MCRIP1: variants seen among roughly 807,000 people sequenced by gnomAD.
The protein encoded by MCRIP1 is mapk-regulated corepressor-interacting protein 1.
A neutral mutation model predicts 14.4 loss-of-function variants in MCRIP1; 10 were observed. The observed-to-expected ratio is 0.70, with a 90% CI of 0.43 to 1.18. The LOEUF is 1.18. MCRIP1 is among the 50% of genes most tolerant of loss of function. The probability of loss-of-function intolerance (pLI) is 0.00; values close to 1 mark genes in which losing one functional copy is unlikely to be tolerated. For synonymous variants in MCRIP1, 53 were observed against 55.7 expected (o/e 0.95, Z 0.21); for missense variants, 119 against 135.4 (o/e 0.88, Z 0.60).
Position 81,823,027 on chromosome 17 carries a change from G to A in MCRIP1, c.*220C>T. On this transcript the variant is annotated 3_prime_UTR_variant, in exon 5 of 5. Transcript: ENST00000455127. This position sits in a 1 kb window ranked among gnomAD's most constrained non-coding sequence, Gnocchi z 6.0. ...CTGGGGGAGGGCAGGAGGGTGGGCAGGGCCCAGACCCCCATGATGGGGGCA... is the reference window on the plus strand; with the variant it reads ...CTGGGGGAGGGCAGGAGGGTGGGCAAGGCCCAGACCCCCATGATGGGGGCA... 1 of 604,866 alleles carries A rather than the reference G, an allele frequency of 1.7e-6. No homozygotes were observed. Among genetic ancestry groups the A allele is most frequent in the Non-Finnish European group, 2.9e-6 (1 of 341,264 alleles). 37.5% of individuals were successfully genotyped at this position (604,866 alleles called of 1,614,324 possible). A position where few individuals can be genotyped will look rare whatever the true frequency, so the allele number is the denominator to read the frequency against.
Position 81,823,314 on chromosome 17 carries a change from G to A in MCRIP1, c.230-3C>T. The A allele has an allele frequency of 6.5e-7, 1 of 1,536,974 alleles. No homozygotes were observed. The highest frequency in any genetic ancestry group is 8.7e-7 in the Non-Finnish European group (1 of 1,146,778). ...ACTCAGGTCGATGGGCTTGAAGGCT[G>A]CCAGGGGACAACGCGGTAGGTGGTG... On this transcript the variant is annotated splice_polypyrimidine_tract_variant and splice_region_variant and intron_variant, in intron 4 of 4. Coordinates refer to ENST00000455127, the MANE Select transcript of MCRIP1 (RefSeq NM_207368.5). The surrounding 1 kb of genome is among the most constrained non-coding windows in gnomAD (Gnocchi z 6.0).
At position 81,823,936 on chromosome 17, in the gene MCRIP1, G is replaced by A; in HGVS notation, c.127+351C>T. On this transcript the variant is annotated intron_variant, in intron 3 of 4. Transcript: ENST00000455127. The surrounding 1 kb of genome is among the most constrained non-coding windows in gnomAD (Gnocchi z 6.0). ...CACGCCCGTTCATGGCTGGATGCGT[G>A]CCTGTCTGTCTTCAAAGGCCCCTCC... 1 of 517,448 alleles carries A rather than the reference G, an allele frequency of 1.9e-6. No individual in the cohort carries two copies. The highest frequency in any genetic ancestry group is 3.4e-6 in the Non-Finnish European group (1 of 292,242). 32.1% of individuals were successfully genotyped at this position (517,448 alleles called of 1,614,324 possible).
chr17:81,825,617 C>G, intron 1 of MCRIP1: 10 of 1,289,422 alleles, frequency 7.8e-6, no homozygotes, highest in African/African-American at 1.5e-5. Flanking sequence ...GTCCAGCCCT[C>G]AAACACCACG....
chr17:81,828,766 G>A lies in MCRIP1; in HGVS notation c.-48-4212C>T, dbSNP rs574264346. 8.5e-5 allele frequency among the ~76,000 whole-genome samples: 13 copies of A among 152,332 alleles called. No homozygotes were observed. The East Asian group carries it at 1.4e-3, about 16-fold the overall frequency. ...CCGAGGCATGGACATAACTGGAGCC[G>A]GGGCCAGGACGGTGCCTGTGAGGGC... On this transcript the variant is annotated intron_variant, in intron 1 of 4. Transcript: ENST00000455127.
chr17:81,823,636 C>G lies in MCRIP1; in HGVS notation c.128-123G>C, dbSNP rs2143199219. 1.3e-6 allele frequency: 1 copy of G among 794,404 alleles called. No individual in the cohort carries two copies. Among genetic ancestry groups the G allele is most frequent in the Middle Eastern group, 3.5e-4 (1 of 2,832 alleles). 49.2% of individuals were successfully genotyped at this position (794,404 alleles called of 1,614,324 possible). A position where few individuals can be genotyped will look rare whatever the true frequency, so the allele number is the denominator to read the frequency against. On this transcript the variant is annotated intron_variant, in intron 3 of 4. Coordinates refer to ENST00000455127, the MANE Select transcript of MCRIP1 (RefSeq NM_207368.5). The surrounding 1 kb of genome is among the most constrained non-coding windows in gnomAD (Gnocchi z 6.0). The stretch of plus-strand genomic sequence containing the variant: ...CCTCTTCTCCCTCAGAAGTGTCCTC[C>G]ATGCTCCCCCACAGCCCTCTGCCCA...
intron 1 of MCRIP1, chr17:81,825,972 C>T: frequency 7.5e-7 from 1 of 1,324,928 alleles, no homozygotes; most frequent in Non-Finnish European, 9.9e-7. Flanking sequence ...GGCCAGCCCC[C>T]TGCCTCGCCC....
chr17:81,826,954 C>T (rs531676148), intron 1 of MCRIP1, among the ~76,000 whole-genome samples: 36 of 151,090 alleles, frequency 2.4e-4, no homozygotes, highest in Admixed American at 6.6e-4. Flanking sequence ...CCTGTCTCTA[C>T]TAAAAATACA....
In MCRIP1 at chr17:81,823,584, C is replaced by T; in HGVS notation, c.128-71G>A. On this transcript the variant is annotated intron_variant, in intron 3 of 4. Coordinates refer to ENST00000455127, the MANE Select transcript of MCRIP1 (RefSeq NM_207368.5). The surrounding 1 kb of genome is among the most constrained non-coding windows in gnomAD (Gnocchi z 6.0). ...GGTGGCATCCACGTCACGAGAGTGC[C>T]TGCCCTCAGCTCCTGCCCTCCCAGA... 7.9e-7 allele frequency: 1 copy of T among 1,263,176 alleles called. No homozygotes were observed. The highest frequency in any genetic ancestry group is 1.3e-5 in the South Asian group (1 of 77,196). 78.2% of individuals were successfully genotyped at this position (1,263,176 alleles called of 1,614,324 possible).
chr17:81,828,474 C>G (rs2038456266), intron 1 of MCRIP1, among the ~76,000 whole-genome samples: 1 of 152,150 alleles, frequency 6.6e-6, no homozygotes, highest in South Asian at 2.1e-4. Flanking sequence ...TATCTGTGCA[C>G]AACCTATGAC....
chr17:81,831,074 A>G (rs2038508377), intron 1 of MCRIP1, among the ~76,000 whole-genome samples: 1 of 151,570 alleles, frequency 6.6e-6, no homozygotes. Context: ...TGGGAAGCTA[A>G]GGCAGGAGAA....
intron 1 of MCRIP1, chr17:81,826,522 C>CAA (rs4013609): frequency 0.13 from 65,298 of 503,938 alleles, 3,264 homozygotes; most frequent in African/African-American, 0.23. Flanking sequence ...GACCCTGTGT[C>CAA]AAAAAAAAAA....
At chr17:81,828,921 G>A (rs143676852) in intron 1 of MCRIP1, among the ~76,000 whole-genome samples, 1 of 152,308 alleles carries the variant, frequency 6.6e-6, no homozygotes, top group Admixed American at 6.5e-5. Context: ...CACAGCTGAG[G>A]GGGGAGGGCA....
chr17:81,824,503 T>C lies in MCRIP1; in HGVS notation c.4A>G (p.Thr2Ala), dbSNP rs1322135041. The change falls in exon 2 of 5, where the codon ACC (threonine) becomes GCC (alanine). Residue 2 changes from threonine (T) to alanine (A), a missense_variant. Coordinates refer to ENST00000455127, the MANE Select transcript of MCRIP1 (RefSeq NM_207368.5). M[T>A]SSPVSRVVYN... ...GCCCACCTGCCTGAGACCCACCTGGTCATCGCGGGGGCGTCTGATCCTAGC... is the reference window on the plus strand; with the variant it reads ...GCCCACCTGCCTGAGACCCACCTGGCCATCGCGGGGGCGTCTGATCCTAGC... The C allele has an allele frequency of 6.5e-7, 1 of 1,536,130 alleles. No homozygotes were observed. Among genetic ancestry groups the C allele is most frequent in the Admixed American group, 2.0e-5 (1 of 51,000 alleles).
In MCRIP1 at chr17:81,825,118, G is replaced by C. The variant is rs1598249615; in HGVS notation, c.-48-564C>G. 3 of 1,016,458 alleles carry C rather than the reference G, an allele frequency of 3.0e-6. No homozygotes were observed. The East Asian group carries it at 2.9e-4, about 99-fold the overall frequency. 63.0% of individuals were successfully genotyped at this position (1,016,458 alleles called of 1,614,324 possible). ...CCAGGTCCAGCTTCCTGGTTCCCTAGAGCATGAGCCACATCAGTACCCTGG... is the reference window on the plus strand; with the variant it reads ...CCAGGTCCAGCTTCCTGGTTCCCTACAGCATGAGCCACATCAGTACCCTGG... On this transcript the variant is annotated intron_variant, in intron 1 of 4. Transcript: ENST00000455127.
chr17:81,826,388 G>A (rs1367849155), intron 1 of MCRIP1: 1 of 1,535,326 alleles, frequency 6.5e-7, no homozygotes, highest in Non-Finnish European at 8.7e-7. Context: ...ACCTGGTGTG[G>A]CAGCATGCAC....
intron 1 of MCRIP1, among the ~76,000 whole-genome samples, chr17:81,828,964 C>T (rs2038465082): frequency 6.6e-6 from 1 of 152,194 alleles, no homozygotes; most frequent in South Asian, 2.1e-4. Context: ...TCAGCCCTAG[C>T]TCAGGCCTGG....
intron 1 of MCRIP1, chr17:81,824,875 CTGTGG>C: frequency 8.0e-7 from 1 of 1,251,060 alleles, no homozygotes; most frequent in Admixed American, 4.0e-5. Flanking sequence ...ACCGGGAGCA[CTGTGG>C]CCAGAGCCCC....
Position 81,823,863 on chromosome 17 carries a change from G to A in MCRIP1, c.128-350C>T, listed in dbSNP as rs1164086557. On this transcript the variant is annotated intron_variant, in intron 3 of 4. Coordinates refer to ENST00000455127, the MANE Select transcript of MCRIP1 (RefSeq NM_207368.5). The surrounding 1 kb of genome is among the most constrained non-coding windows in gnomAD (Gnocchi z 6.0). ...ACGCACCTCCCCGGCCCCAGCACAC[G>A]GCACACTCCCCTAATCCCAGACAAC... 7.4e-6 allele frequency: 4 copies of A among 542,406 alleles called. No homozygotes were observed. The highest frequency in any genetic ancestry group is 1.3e-5 in the Non-Finnish European group (4 of 305,372). The allele number at this position is 542,406 out of a possible 1,614,324, so 33.6% of individuals were successfully genotyped here.
intron 1 of MCRIP1, 41 bp downstream of exon 1, chr17:81,833,197 C>CCCCGCCCCGT (rs1470289882): frequency 2.7e-5 from 4 of 147,808 alleles, no homozygotes; most frequent in Admixed American, 6.7e-5. Context: ...GCCCGCCCCG[C>CCCCGCCCCGT]CCCGCCCCGT....
Sources: allele counts gnomAD v4.1 joint callset (sites outside exome capture counted in the v4.1 genomes callset), GRCh38; gene constraint gnomAD v4.1.1; non-coding constraint Gnocchi (gnomAD v3.1); transcripts MANE v1.5; gene names NCBI Gene and HGNC (gene_info 2026-07-23, HGNC 2026-07-21).